PTPRN2: variants seen among roughly 807,000 people sequenced by gnomAD.
PTPRN2 encodes the protein receptor-type tyrosine-protein phosphatase N2.
A neutral mutation model predicts 118.8 loss-of-function variants in PTPRN2; 74 were observed. The ratio of observed to expected loss-of-function variants is 0.62; its 90% CI spans 0.52 to 0.76. The LOEUF is 0.76. Among genes scored for constraint, PTPRN2 ranks in the 30% least tolerant of loss-of-function variants. The pLI, the probability that PTPRN2 is intolerant of heterozygous loss-of-function variation, is 0.00. For synonymous variants in PTPRN2, 641 were observed against 608.0 expected (o/e 1.05, Z -0.80); for missense variants, 1,481 against 1,394.4 (o/e 1.06, Z -0.99).
Position 157,805,322 on chromosome 7 carries a change from T to TGCGC in PTPRN2, c.1788+93350_1788+93351insGCGC, listed in dbSNP as rs563464500. On this transcript the variant is annotated intron_variant, in intron 12 of 22. Transcript: ENST00000389418. Reference sequence around the variant, plus strand: ...GTGTGTGTGTGTGTGTGTGTGCGTGTGCAAATACATCATCAACTGAAGGTC... The same window carrying TGCGC: ...GTGTGTGTGTGTGTGTGTGTGCGTGTGCGCGCAAATACATCATCAACTGAAGGTC... 5.6e-3 allele frequency among the ~76,000 whole-genome samples: 824 copies of TGCGC among 147,630 alleles called. 20 individuals are homozygous for TGCGC. In the South Asian group the frequency reaches 0.065, roughly 12 times the overall value.
At chr7:158,025,487 T>A (rs2128878760) in intron 11 of PTPRN2, among the ~76,000 whole-genome samples, 1 of 152,260 alleles carries the variant, frequency 6.6e-6, no homozygotes, top group Non-Finnish European at 1.5e-5. Flanking sequence ...GCCAACTTGG[T>A]TTACTTCTTT....
chr7:157,894,112 C>T (rs1000317550), intron 12 of PTPRN2, among the ~76,000 whole-genome samples: 3 of 152,180 alleles, frequency 2.0e-5, no homozygotes, highest in Admixed American at 2.0e-4. Context: ...AATGAATGAA[C>T]GAACAGCTCA....
At chr7:157,822,095 T>C (rs76198030) in intron 12 of PTPRN2, among the ~76,000 whole-genome samples, 4,086 of 151,508 alleles carry the variant, frequency 0.027, 189 homozygotes, top group African/African-American at 0.093. Context: ...CAATCACCCA[T>C]ACACTCATCC....
chr7:158,225,893 TG>T (rs1263673171), intron 3 of PTPRN2, among the ~76,000 whole-genome samples: 2 of 112,886 alleles, frequency 1.8e-5, no homozygotes, highest in Admixed American at 8.8e-5. Context: ...GGGAGGGAGG[TG>T]GGGGCAGTGC....
chr7:158,463,449 T>G (rs1319983509), intron 2 of PTPRN2, among the ~76,000 whole-genome samples: 1 of 151,942 alleles, frequency 6.6e-6, no homozygotes, highest in Non-Finnish European at 1.5e-5. Flanking sequence ...ATCACCATCA[T>G]GTTGTCATTA....
At chr7:157,646,996 T>C (rs1374049023) in intron 14 of PTPRN2, among the ~76,000 whole-genome samples, 68 of 145,984 alleles carry the variant, frequency 4.7e-4, no homozygotes, top group Non-Finnish European at 9.5e-4. Flanking sequence ...CTGAACTCGG[T>C]GGGTCGGACC....
In PTPRN2 at chr7:157,671,985, G is replaced by A. The variant is rs776443430; in HGVS notation, c.2001+10740C>T. On this transcript the variant is annotated intron_variant, in intron 13 of 22. Coordinates refer to ENST00000389418, the MANE Select transcript of PTPRN2 (RefSeq NM_002847.5). This position sits in a 1 kb window ranked among gnomAD's most constrained non-coding sequence, Gnocchi z 4.1. ...GGGCAGCAGCCCTGGAGGAAAACCC[G>A]TGAGCGAGTCGTGGAGGGAGTGTGA... 3.3e-5 allele frequency among the ~76,000 whole-genome samples: 5 copies of A among 152,152 alleles called. No homozygotes were observed. The highest frequency in any genetic ancestry group is 4.8e-5 in the African/African-American group (2 of 41,440).
At chr7:157,681,595 A>G (rs748516017) in intron 13 of PTPRN2, among the ~76,000 whole-genome samples, 8 of 152,206 alleles carry the variant, frequency 5.3e-5, no homozygotes, top group Non-Finnish European at 7.3e-5. Context: ...CTTGTGGTCA[A>G]TCTCTTTTAA....
intron 11 of PTPRN2, among the ~76,000 whole-genome samples, chr7:158,046,400 C>T (rs902772451): frequency 3.3e-5 from 5 of 151,682 alleles, no homozygotes; most frequent in African/African-American, 1.2e-4. Flanking sequence ...CCTGACACTG[C>T]CTTGTTCTGT....
intron 2 of PTPRN2, among the ~76,000 whole-genome samples, chr7:158,350,473 C>T (rs907311170): frequency 1.3e-5 from 2 of 152,208 alleles, no homozygotes; most frequent in African/African-American, 4.8e-5. Context: ...GTCTGACTGC[C>T]GTCTGCACCC....
chr7:157,572,752 G>A (rs1188045764), intron 19 of PTPRN2, among the ~76,000 whole-genome samples: 4 of 152,252 alleles, frequency 2.6e-5, no homozygotes, highest in African/African-American at 2.4e-5. Context: ...CAGATGGGCC[G>A]CGGCCACAGC....
intron 12 of PTPRN2, among the ~76,000 whole-genome samples, chr7:157,799,107 G>A (rs1397871017): frequency 3.9e-5 from 6 of 152,200 alleles, no homozygotes; most frequent in Admixed American, 6.5e-5. Context: ...GGGTCAGAGA[G>A]GTAGTGGTTG....
At chr7:157,773,113 T>C (rs1044440133) in intron 12 of PTPRN2, among the ~76,000 whole-genome samples, 2 of 152,272 alleles carry the variant, frequency 1.3e-5, no homozygotes, top group East Asian at 3.9e-4. Context: ...ACCATCAAGA[T>C]GCTACAGTTT....
chr7:158,282,730 A>G (rs1339510039), intron 3 of PTPRN2, among the ~76,000 whole-genome samples: 3 of 148,720 alleles, frequency 2.0e-5, no homozygotes, highest in East Asian at 2.0e-4. Context: ...GTGCTCCCAC[A>G]TGCAGCAGCC....
At chr7:158,081,484 C>T (rs1275184660) in intron 10 of PTPRN2, 107 bp from the exon 11 acceptor site, 1 of 1,067,914 alleles carries the variant, frequency 9.4e-7, no homozygotes, top group Non-Finnish European at 1.4e-6. Context: ...CGCAAACATC[C>T]AAGGCCGCTG....
intron 3 of PTPRN2, among the ~76,000 whole-genome samples, chr7:158,306,921 C>A (rs929634933): frequency 9.2e-5 from 13 of 141,086 alleles, no homozygotes; most frequent in African/African-American, 3.5e-4. Context: ...GGCTGGAGTG[C>A]AGTGGTGTGA....
intron 2 of PTPRN2, among the ~76,000 whole-genome samples, chr7:158,388,561 C>A (rs1811683685): frequency 6.6e-6 from 1 of 152,216 alleles, no homozygotes; most frequent in Non-Finnish European, 1.5e-5. Flanking sequence ...CCTGGGTGCA[C>A]CAGGCTCCCT....
chr7:157,821,406 C>T (rs1482775598), intron 12 of PTPRN2, among the ~76,000 whole-genome samples: 1 of 152,124 alleles, frequency 6.6e-6, no homozygotes, highest in Non-Finnish European at 1.5e-5. Flanking sequence ...GAGGTGGTGT[C>T]TGGAGAGAAG....
At chr7:158,251,397 C>T (rs570224674) in intron 3 of PTPRN2, among the ~76,000 whole-genome samples, 175 of 122,278 alleles carry the variant, frequency 1.4e-3, no homozygotes, top group Non-Finnish European at 2.2e-3. Flanking sequence ...TGGATGTATA[C>T]AGTGCATGTG....
Sources: allele counts gnomAD v4.1 joint callset (sites outside exome capture counted in the v4.1 genomes callset), GRCh38; gene constraint gnomAD v4.1.1; non-coding constraint Gnocchi (gnomAD v3.1); transcripts MANE v1.5; gene names NCBI Gene and HGNC (gene_info 2026-07-23, HGNC 2026-07-21).